Variants in ADGRL3 observed in about 807,000 individuals in gnomAD.
The protein encoded by ADGRL3 is calcium-independent alpha-latrotoxin receptor 3.
ADGRL3 carries 62 observed loss-of-function variants against 153.5 expected under a neutral mutation model. The ratio of observed to expected loss-of-function variants is 0.40; its 90% CI spans 0.33 to 0.50. The LOEUF is 0.50. ADGRL3 is among the 20% of genes least tolerant of loss of function. The pLI, the probability that ADGRL3 is intolerant of heterozygous loss-of-function variation, is 0.47. For missense variants in ADGRL3, 1,641 were observed against 1,859.4 expected, an observed-to-expected ratio of 0.88 and a Z score of 2.16; for synonymous variants, 710 against 672.5, an observed-to-expected ratio of 1.06 and a Z score of -0.86.
chr4:61,757,227 T>C (rs929842239), intron 8 of ADGRL3, among the ~76,000 whole-genome samples: 1 of 152,172 alleles, frequency 6.6e-6, no homozygotes, highest in Non-Finnish European at 1.5e-5. Context: ...CTGGTAGAAT[T>C]CGGCTGTGAA....
intron 9 of ADGRL3, among the ~76,000 whole-genome samples, chr4:61,835,389 G>GA (rs36093030): frequency 5.8e-5 from 7 of 121,186 alleles, no homozygotes; most frequent in Admixed American, 9.4e-5. Context: ...TGACTGAGAA[G>GA]AAAAAAAAAA....
chr4:61,746,189 G>C (rs2096658235), intron 8 of ADGRL3, among the ~76,000 whole-genome samples: 1 of 152,096 alleles, frequency 6.6e-6, no homozygotes, highest in South Asian at 2.1e-4. Flanking sequence ...CAACACAGGA[G>C]CACCCAGACT....
At chr4:61,832,407 A>G (rs1056770202) in intron 9 of ADGRL3, among the ~76,000 whole-genome samples, 2 of 152,138 alleles carry the variant, frequency 1.3e-5, no homozygotes, top group African/African-American at 4.8e-5. Context: ...TTTCCTGGAT[A>G]TTTGTTGAGA....
At chr4:61,469,945 AC>A (rs1430439052) in intron 2 of ADGRL3, among the ~76,000 whole-genome samples, 2 of 151,896 alleles carry the variant, frequency 1.3e-5, no homozygotes, top group African/African-American at 4.8e-5. Context: ...ACAAAAAAAA[AC>A]AAACCCCCAG....
chr4:61,661,686 T>A (rs1317650863), intron 5 of ADGRL3, among the ~76,000 whole-genome samples: 4 of 152,148 alleles, frequency 2.6e-5, no homozygotes, highest in Non-Finnish European at 5.9e-5. Context: ...AAAGTAGAGA[T>A]CATGTATATT....
intron 3 of ADGRL3, among the ~76,000 whole-genome samples, chr4:61,515,875 G>A (rs928563897): frequency 1.3e-5 from 2 of 152,120 alleles, no homozygotes; most frequent in Non-Finnish European, 2.9e-5. Context: ...TGCCACTAGA[G>A]TGAAACATCA....
intron 4 of ADGRL3, among the ~76,000 whole-genome samples, chr4:61,543,134 TCCCCCCC>T (rs1202086123): frequency 8.0e-6 from 1 of 124,456 alleles, no homozygotes; most frequent in Non-Finnish European, 1.7e-5. Context: ...GAATTATCCC[TCCCCCCC>T]ACCCCCCCAC....
intron 21 of ADGRL3, among the ~76,000 whole-genome samples, chr4:62,004,796 G>GA (rs1342912879): frequency 1.3e-5 from 2 of 151,918 alleles, no homozygotes; most frequent in African/African-American, 4.8e-5. Context: ...GAATTAGCTA[G>GA]AAAAAATAAT....
In ADGRL3 at chr4:61,754,021, C is replaced by T. The variant is rs2096789577; in HGVS notation, c.1399+20467C>T. ...TCAATGTATTTGGAGGTTCCTGAGCCTGCCGGGAAGTGACCTTCCTTATTC... is the reference window on the plus strand; with the variant it reads ...TCAATGTATTTGGAGGTTCCTGAGCTTGCCGGGAAGTGACCTTCCTTATTC... On this transcript the variant is annotated intron_variant, in intron 8 of 26. Coordinates refer to ENST00000683033, the MANE Select transcript of ADGRL3 (RefSeq NM_001387552.1). Among the ~76,000 whole-genome samples, 3 of 152,204 alleles carry T rather than the reference C, an allele frequency of 2.0e-5. 1 individual carries two copies. The highest frequency in any genetic ancestry group is 2.0e-4 in the Admixed American group (3 of 15,282).
chr4:61,422,926 A>C (rs2097224343), intron 2 of ADGRL3, among the ~76,000 whole-genome samples: 1 of 152,066 alleles, frequency 6.6e-6, no homozygotes, highest in Non-Finnish European at 1.5e-5. Context: ...TATATAGATG[A>C]CTGAAAAAGT....
At chr4:61,292,742 G>C (rs2150187307) in intron 1 of ADGRL3, among the ~76,000 whole-genome samples, 1 of 152,214 alleles carries the variant, frequency 6.6e-6, no homozygotes, top group East Asian at 1.9e-4. Flanking sequence ...TGGAAGGCAG[G>C]AAATAATCTT....
At chr4:61,847,833 A>ATAT (rs1554046111) in intron 9 of ADGRL3, among the ~76,000 whole-genome samples, 4 of 8,770 alleles carry the variant, frequency 4.6e-4, no homozygotes, top group South Asian at 3.0e-3. Flanking sequence ...AATATAAAAT[A>ATAT]TATATATAAT....
At chr4:61,753,351 A>G (rs2096780824) in intron 8 of ADGRL3, among the ~76,000 whole-genome samples, 1 of 152,200 alleles carries the variant, frequency 6.6e-6, no homozygotes, top group Non-Finnish European at 1.5e-5. Context: ...GTGTCTTTAG[A>G]TGATGGCATG....
chr4:61,781,275 G>A (rs2097209623), intron 8 of ADGRL3, among the ~76,000 whole-genome samples: 3 of 146,458 alleles, frequency 2.0e-5, no homozygotes, highest in Admixed American at 6.9e-5. Flanking sequence ...GCAGTGAGCC[G>A]AGATCGTGCC....
chr4:61,586,924 T>C (rs1181574336), intron 4 of ADGRL3, among the ~76,000 whole-genome samples: 1 of 152,076 alleles, frequency 6.6e-6, no homozygotes, highest in Non-Finnish European at 1.5e-5. Context: ...ATGATATTTC[T>C]ATCTAGTTTT....
rs778452708 is a variant in ADGRL3, at chr4:61,998,170, C to T, written c.3304-4C>T. 3 of 1,519,630 alleles carry T rather than the reference C, an allele frequency of 2.0e-6. No individual in the cohort carries two copies. Among genetic ancestry groups the T allele is most frequent in the South Asian group, 1.2e-5 (1 of 81,028 alleles). The allele number at this position is 1,519,630 out of a possible 1,614,324, so 94.1% of individuals were successfully genotyped here. Reference sequence around the variant, plus strand: ...GCTACATAACACTACCTTTTGCATTCCAGCTTAATGTAATCTTCCTTGGGA... The same window carrying T: ...GCTACATAACACTACCTTTTGCATTTCAGCTTAATGTAATCTTCCTTGGGA... On this transcript the variant is annotated splice_polypyrimidine_tract_variant and splice_region_variant and intron_variant, in intron 20 of 26. Transcript: ENST00000683033.
intron 6 of ADGRL3, among the ~76,000 whole-genome samples, chr4:61,697,667 A>G (rs1377682684): frequency 2.0e-5 from 3 of 152,140 alleles, no homozygotes; most frequent in East Asian, 3.8e-4. Flanking sequence ...AACATTTGCT[A>G]TTATTTGAAC....
At chr4:61,295,804 TA>T (rs56672796) in intron 1 of ADGRL3, among the ~76,000 whole-genome samples, 291 of 140,688 alleles carry the variant, frequency 2.1e-3, no homozygotes, top group Admixed American at 2.4e-3. Flanking sequence ...TACACAGATT[TA>T]AAAAAAAAAA....
At chr4:61,842,103 T>TA (rs1489156978) in intron 9 of ADGRL3, among the ~76,000 whole-genome samples, 10 of 152,196 alleles carry the variant, frequency 6.6e-5, no homozygotes, top group Non-Finnish European at 1.2e-4. Flanking sequence ...ACAGAGATGT[T>TA]AAAAAGGCAC....
Sources: gnomAD v4.1 joint callset for allele counts (sites outside exome capture counted in the v4.1 genomes callset) on GRCh38, gnomAD v4.1.1 for gene constraint, MANE v1.5 for transcripts, NCBI Gene and HGNC (gene_info 2026-07-23, HGNC 2026-07-21) for gene names.